The following CEP85L variants were observed in gnomAD, a reference collection of about 807,000 sequenced individuals.
The protein encoded by CEP85L is centrosomal protein of 85 kDa-like.
Under a neutral mutation model 100.3 loss-of-function variants are expected in CEP85L, and 60 were observed. The ratio of observed to expected loss-of-function variants is 0.60; its 90% CI spans 0.49 to 0.74. The LOEUF (loss-of-function observed/expected upper bound fraction) is 0.74, where lower values mean the gene tolerates loss of function less well. Ranked by LOEUF, CEP85L falls within the 30% of genes least tolerant of loss-of-function variation. The pLI, the probability that CEP85L is intolerant of heterozygous loss-of-function variation, is 0.00. For synonymous variants in CEP85L, 319 were observed against 322.7 expected (o/e 0.99, Z 0.12); for missense variants, 973 against 936.2 (o/e 1.04, Z -0.51).
At position 118,673,609 on chromosome 6, in the gene CEP85L, T is replaced by TCCCA. The variant is rs552704148; in HGVS notation, c.-27-20805_-27-20802dup. Among the ~76,000 whole-genome samples, 9 of 152,298 alleles carry TCCCA rather than the reference T, an allele frequency of 5.9e-5. No individual in the cohort carries two copies. In the South Asian group the frequency reaches 1.7e-3, roughly 28 times the overall value. ...GTGGGCCCTACCACCTCTGCCCTAC[T>TCCCA]CCCACAGACACTTGGAATGCCGATT... is the stretch of plus-strand genomic sequence containing the variant. On this transcript the variant is annotated intron_variant, in intron 1 of 13. Transcript: ENST00000368488.
chr6:118,678,809 G>C (rs540016753), intron 1 of CEP85L, among the ~76,000 whole-genome samples: 3 of 152,204 alleles, frequency 2.0e-5, no homozygotes, highest in Non-Finnish European at 2.9e-5. Context: ...GCAGGTGCCT[G>C]CAGTCCCAGC....
chr6:118,489,050 CTCAGG>C (rs1401416678), intron 6 of CEP85L, among the ~76,000 whole-genome samples: 4 of 151,930 alleles, frequency 2.6e-5, no homozygotes, highest in African/African-American at 9.7e-5. Context: ...GGTGGATCAC[CTCAGG>C]TCAGGAGTTT....
rs1773692272 is a variant in CEP85L, at chr6:118,480,433, T to C, written c.1826A>G (p.Asn609Ser). 2 of 1,611,372 alleles carry C rather than the reference T, an allele frequency of 1.2e-6. No individual in the cohort carries two copies. Among genetic ancestry groups the C allele is most frequent in the Non-Finnish European group, 1.7e-6 (2 of 1,178,276 alleles). The change falls in exon 9 of 13, where the codon AAT (asparagine) becomes AGT (serine). Residue 609 changes from asparagine to serine, a missense_variant. This residue lies in a region of CEP85L where 890 missense variants were observed against 844.5 expected (regional missense o/e 1.05). Transcript: ENST00000368491. ...CTCATTTTGTTGTCTGAGATTATCA[T>C]TTTCATTCTGAAGCTGTTTTGCATC... is the stretch of plus-strand genomic sequence containing the variant. ...MLDAKQLQNE[N>S]DNLRQQNETA... is the part of the protein sequence containing the mutation.
chr6:118,688,538 T>C (rs115875832), intron 1 of CEP85L, among the ~76,000 whole-genome samples: 408 of 152,390 alleles, frequency 2.7e-3, no homozygotes, highest in African/African-American at 9.5e-3. Flanking sequence ...GTCAGTTTGA[T>C]CATGCAATGT....
chr6:118,470,245 C>T (rs1434159638), intron 11 of CEP85L, among the ~76,000 whole-genome samples: 1 of 151,932 alleles, frequency 6.6e-6, no homozygotes, highest in African/African-American at 2.4e-5. Flanking sequence ...AACTGTATTT[C>T]AGAATAACTC....
chr6:118,506,610 T>C (rs1231391007), intron 5 of CEP85L, among the ~76,000 whole-genome samples: 1 of 152,120 alleles, frequency 6.6e-6, no homozygotes, highest in African/African-American at 2.4e-5. Context: ...GGGGAGTTGG[T>C]GGGGGAAAGC....
chr6:118,655,743 A>AT (rs1180059492), upstream of CEP85L, among the ~76,000 whole-genome samples: 1 of 152,184 alleles, frequency 6.6e-6, no homozygotes, highest in Non-Finnish European at 1.5e-5. Context: ...GGAAAAGGGG[A>AT]TTTTCAACAG....
intron 5 of CEP85L, chr6:118,501,394 G>A: frequency 5.5e-6 from 2 of 365,204 alleles, no homozygotes; most frequent in South Asian, 4.4e-5. Context: ...CCCCTCTTGA[G>A]AAGACAGCCC....
At chr6:118,600,370 TA>T (rs1781722005) in intron 2 of CEP85L, among the ~76,000 whole-genome samples, 1 of 86,366 alleles carries the variant, frequency 1.2e-5, no homozygotes, top group Non-Finnish European at 2.6e-5. Context: ...TGTGTGTGTG[TA>T]ACGCCATGGA....
intron 1 of CEP85L, among the ~76,000 whole-genome samples, chr6:118,701,798 A>G (rs1200829778): frequency 6.6e-6 from 1 of 152,166 alleles, no homozygotes; most frequent in African/African-American, 2.4e-5. Context: ...AACAAAGAAG[A>G]TTGGGTTCCT....
intron 5 of CEP85L, among the ~76,000 whole-genome samples, chr6:118,500,574 C>A (rs892219017): frequency 7.5e-6 from 1 of 133,346 alleles, no homozygotes; most frequent in Non-Finnish European, 1.7e-5. Flanking sequence ...ATTCAGAGGG[C>A]TGAAAAAGCT....
At chr6:118,534,030 G>A (rs1033406462) in intron 3 of CEP85L, among the ~76,000 whole-genome samples, 1 of 151,790 alleles carries the variant, frequency 6.6e-6, no homozygotes, top group Non-Finnish European at 1.5e-5. Context: ...AGGAGGCGGA[G>A]GTTACAGTGA....
chr6:118,563,072 G>C (rs1779316242), intron 3 of CEP85L, among the ~76,000 whole-genome samples: 1 of 152,174 alleles, frequency 6.6e-6, no homozygotes, highest in Non-Finnish European at 1.5e-5. Context: ...GGGTTGCAGG[G>C]GGTGGGTAGC....
chr6:118,684,534 A>G (rs1453640003), intron 1 of CEP85L, among the ~76,000 whole-genome samples: 1 of 152,226 alleles, frequency 6.6e-6, no homozygotes, highest in Non-Finnish European at 1.5e-5. Context: ...GAAAGAAAAA[A>G]AGGTTTACAG....
At chr6:118,610,134 ATTTT>A (rs765028016) in intron 2 of CEP85L, among the ~76,000 whole-genome samples, 1 of 152,142 alleles carries the variant, frequency 6.6e-6, no homozygotes, top group African/African-American at 2.4e-5. Context: ...CAATTTAGAG[ATTTT>A]TTTAAAAAAT....
At chr6:118,707,598 G>A (rs1195011602) in intron 1 of CEP85L, among the ~76,000 whole-genome samples, 4 of 152,112 alleles carry the variant, frequency 2.6e-5, no homozygotes, top group African/African-American at 9.7e-5. Context: ...TTATTACAAA[G>A]AATGTGCTAA....
chr6:118,708,082 G>T (rs1304393883), intron 1 of CEP85L, among the ~76,000 whole-genome samples: 1 of 152,152 alleles, frequency 6.6e-6, no homozygotes, highest in Non-Finnish European at 1.5e-5. Flanking sequence ...CTATAAAATA[G>T]AAGGCCAAAA....
intron 1 of CEP85L, among the ~76,000 whole-genome samples, chr6:118,671,325 T>C (rs1050027755): frequency 6.6e-6 from 1 of 152,242 alleles, no homozygotes; most frequent in Non-Finnish European, 1.5e-5. Flanking sequence ...ATTTTCTCTT[T>C]TTCTGCATTC....
At chr6:118,547,940 G>A (rs888083061) in intron 3 of CEP85L, among the ~76,000 whole-genome samples, 1 of 151,998 alleles carries the variant, frequency 6.6e-6, no homozygotes, top group Non-Finnish European at 1.5e-5. Context: ...TTATACCTGT[G>A]TTTATTTTTC....
Sources: gnomAD v4.1 joint callset for allele counts (sites outside exome capture counted in the v4.1 genomes callset) on GRCh38, gnomAD v4.1.1 for gene constraint, gnomAD v4.1.1 regional missense constraint, MANE v1.5 for transcripts, NCBI Gene and HGNC (gene_info 2026-07-23, HGNC 2026-07-21) for gene names.